The following CDC5L variants were observed in gnomAD, a reference collection of about 807,000 sequenced individuals.
CDC5L encodes cell division cycle 5-like protein.
In CDC5L, 18 loss-of-function variants were observed where a neutral mutation model predicts 104.1. The observed-to-expected ratio is 0.17, with a 90% CI of 0.12 to 0.26. The LOEUF is 0.26. CDC5L is among the 10% of genes least tolerant of loss of function. CDC5L has a pLI of 1.00. For synonymous variants in CDC5L, 331 were observed against 322.7 expected (o/e 1.03, Z -0.28); for missense variants, 673 against 956.9 (o/e 0.70, Z 3.91).
intron 10 of CDC5L, among the ~76,000 whole-genome samples, chr6:44,423,761 C>T (rs890948035): frequency 5.3e-5 from 8 of 152,150 alleles, no homozygotes; most frequent in African/African-American, 9.7e-5. Flanking sequence ...CTTTCTTCTG[C>T]ATGGGATTTA....
At chr6:44,398,871 G>T (rs1790992479) in intron 5 of CDC5L, among the ~76,000 whole-genome samples, 1 of 152,196 alleles carries the variant, frequency 6.6e-6, no homozygotes, top group South Asian at 2.1e-4. Flanking sequence ...TACAAAGTTG[G>T]ATCATACTGT....
chr6:44,424,563 G>T lies in CDC5L; in HGVS notation c.1549G>T (p.Asp517Tyr). ...IDDTYIEDAA[D>Y]VDARKQAIRD... ...TGATACTTACATTGAAGATGCTGCT[G>T]ATGTGGATGCTCGAAAGCAGGTGGG... Residue 517 changes from aspartate (D) to tyrosine (Y), a missense_variant, in exon 11 of 16, where the codon GAT becomes TAT. By Grantham distance (160) the Asp-to-Tyr change is radical. Transcript: ENST00000371477. 1 of 1,613,902 alleles carries T rather than the reference G, an allele frequency of 6.2e-7. No individual in the cohort carries two copies. The highest frequency in any genetic ancestry group is 8.5e-7 in the Non-Finnish European group (1 of 1,179,886).
Position 44,433,520 on chromosome 6 carries a change from A to C in CDC5L, c.2091+3610A>C, listed in dbSNP as rs577932608. Among the ~76,000 whole-genome samples the C allele has an allele frequency of 2.6e-5, 4 of 152,298 alleles. No individual in the cohort carries two copies. In the South Asian group the frequency reaches 8.3e-4, roughly 32 times the overall value. ...TTAATAGTATTTGAAATAGTATCTA[A>C]ACTGCTGTGTTGAGGAAGTTTGGCT... On this transcript the variant is annotated intron_variant, in intron 14 of 15. Coordinates refer to ENST00000371477, the MANE Select transcript of CDC5L (RefSeq NM_001253.4).
rs138178787 is a variant in CDC5L, at chr6:44,448,382, C to G, written c.*1671C>G. ...GATCTAAGCAAAGGAATGACATGATCAGATTTGGTTTTAGAAACATCACTA... is the reference window on the plus strand; with the variant it reads ...GATCTAAGCAAAGGAATGACATGATGAGATTTGGTTTTAGAAACATCACTA... On this transcript the variant is annotated 3_prime_UTR_variant, in exon 16 of 16. Coordinates refer to ENST00000371477, the MANE Select transcript of CDC5L (RefSeq NM_001253.4). 6.6e-6 allele frequency: 1 copy of G among 152,152 alleles called. No homozygotes were observed. 9.4% of individuals were successfully genotyped at this position (152,152 alleles called of 1,614,324 possible). A position where few individuals can be genotyped will look rare whatever the true frequency, so the allele number is the denominator to read the frequency against.
chr6:44,387,931 C>T, intron 1 of CDC5L, 63 bp downstream of exon 1: 2 of 1,501,230 alleles, frequency 1.3e-6, no homozygotes, highest in Non-Finnish European at 1.8e-6. Context: ...TGCGCACGCG[C>T]GCGGAGGTCG....
chr6:44,408,432 G>T lies in CDC5L; in HGVS notation c.904-12G>T, dbSNP rs1791476843. 1 of 1,601,010 alleles carries T rather than the reference G, an allele frequency of 6.2e-7. No individual in the cohort carries two copies. The highest frequency in any genetic ancestry group is 8.5e-7 in the Non-Finnish European group (1 of 1,170,166). On this transcript the variant is annotated splice_polypyrimidine_tract_variant and intron_variant, in intron 7 of 15. Coordinates refer to ENST00000371477, the MANE Select transcript of CDC5L (RefSeq NM_001253.4). The stretch of plus-strand genomic sequence containing the variant: ...TAAAATGTTGCTTACTATGATAATT[G>T]TGTCCTTTTAGATTTCAGATGCAGA...
chr6:44,445,880 A>G lies in CDC5L; in HGVS notation c.2304+13A>G. 6.3e-7 allele frequency: 1 copy of G among 1,586,300 alleles called. No homozygotes were observed. The highest frequency in any genetic ancestry group is 8.7e-7 in the Non-Finnish European group (1 of 1,155,304). ...CCGGAGGCTAGAGGTAACGTTATATATTGAACTGTTGTTTAAAAAGAGTGC... is the reference window on the plus strand; with the variant it reads ...CCGGAGGCTAGAGGTAACGTTATATGTTGAACTGTTGTTTAAAAAGAGTGC... On this transcript the variant is annotated intron_variant, in intron 15 of 15. Transcript: ENST00000371477.
chr6:44,436,851 G>T lies in CDC5L; in HGVS notation c.2091+6941G>T, dbSNP rs181150063. The stretch of plus-strand genomic sequence containing the variant: ...TATTCTTAATTTCCTGCTTTGAATT[G>T]AAGTTTACCCTTTCATATTTGATCA... On this transcript the variant is annotated intron_variant, in intron 14 of 15. Coordinates refer to ENST00000371477, the MANE Select transcript of CDC5L (RefSeq NM_001253.4). 7.2e-4 allele frequency among the ~76,000 whole-genome samples: 109 copies of T among 152,272 alleles called. 2 individuals carry two copies. The highest frequency in any genetic ancestry group is 7.0e-3 in the Admixed American group (107 of 15,296).
intron 1 of CDC5L, 122 bp downstream of exon 1, chr6:44,387,990 G>T: frequency 2.3e-6 from 2 of 866,416 alleles, no homozygotes; most frequent in Non-Finnish European, 3.6e-6. Context: ...GGCAGCCCGG[G>T]GGCTGACCCT....
At chr6:44,430,959 T>C (rs1374878547) in intron 14 of CDC5L, among the ~76,000 whole-genome samples, 3 of 152,224 alleles carry the variant, frequency 2.0e-5, no homozygotes. Flanking sequence ...GGCAGTCATA[T>C]ACAGAAAATC....
intron 3 of CDC5L, among the ~76,000 whole-genome samples, chr6:44,393,189 T>TAA (rs1183860246): frequency 1.4e-5 from 2 of 144,652 alleles, no homozygotes; most frequent in African/African-American, 5.4e-5. Context: ...TTTTTTTTTT[T>TAA]AAATTTGTAT....
At chr6:44,415,124 T>G (rs1791850260) in intron 8 of CDC5L, among the ~76,000 whole-genome samples, 3 of 152,256 alleles carry the variant, frequency 2.0e-5, no homozygotes, top group South Asian at 4.1e-4. Context: ...CAATTCTGTC[T>G]CATTGATCTA....
At chr6:44,441,730 C>A (rs968227326) in intron 14 of CDC5L, among the ~76,000 whole-genome samples, 2 of 151,962 alleles carry the variant, frequency 1.3e-5, no homozygotes, top group Non-Finnish European at 1.5e-5. Context: ...GCATTTTTTT[C>A]ATGTACCTGT....
chr6:44,432,039 G>C (rs1489531098), intron 14 of CDC5L, among the ~76,000 whole-genome samples: 1 of 151,934 alleles, frequency 6.6e-6, no homozygotes, highest in African/African-American at 2.4e-5. Context: ...TTGGTAAACT[G>C]TGCTTATTTC....
At chr6:44,425,994 C>A in intron 11 of CDC5L, 109 bp from the exon 12 acceptor site, 1 of 628,670 alleles carries the variant, frequency 1.6e-6, no homozygotes, top group Non-Finnish European at 2.7e-6. Flanking sequence ...GATTTCTAAA[C>A]TTTAGCTATT....
rs1793573512 is a variant in CDC5L at position 44,449,611 on chromosome 6, T to A, written c.*2900T>A. 6.6e-6 allele frequency: 1 copy of A among 152,164 alleles called. No homozygotes were observed. The highest frequency in any genetic ancestry group is 6.5e-5 in the Admixed American group (1 of 15,272). 9.4% of individuals were successfully genotyped at this position (152,164 alleles called of 1,614,324 possible). ...TAAGCATGTTAAAGTCTCAGTAACT[T>A]TGGGATAGAAATAAAATGTGATAAA... is the stretch of plus-strand genomic sequence containing the variant. On this transcript the variant is annotated 3_prime_UTR_variant, in exon 16 of 16. Coordinates refer to ENST00000371477, the MANE Select transcript of CDC5L (RefSeq NM_001253.4).
Position 44,429,787 on chromosome 6 carries a change from T to A in CDC5L, c.1968T>A (p.Ala656=). ...GCCATGGAGAGCTCTCAAGTGAAGC[T>A]TATAACCAGGTGTGGGAAGAATGCT... ...GMSHGELSSE[A]YNQVWEECYS... The change falls in exon 14 of 16, where the codon GCT becomes GCA. Residue 656 remains alanine, a synonymous_variant. Coordinates refer to ENST00000371477, the MANE Select transcript of CDC5L (RefSeq NM_001253.4). The A allele has an allele frequency of 1.2e-6, 2 of 1,614,124 alleles. No homozygotes were observed. The highest frequency in any genetic ancestry group is 1.7e-6 in the Non-Finnish European group (2 of 1,179,970).
intron 15 of CDC5L, among the ~76,000 whole-genome samples, chr6:44,446,106 T>TA (rs1157793998): frequency 6.6e-6 from 1 of 152,238 alleles, no homozygotes; most frequent in Non-Finnish European, 1.5e-5. Context: ...AATATGTAGA[T>TA]ACACTGTGAA....
Position 44,404,028 on chromosome 6 carries a change from G to GT in CDC5L, c.758+2dup. 1.9e-6 allele frequency: 3 copies of GT among 1,599,270 alleles called. No individual in the cohort carries two copies. Among genetic ancestry groups the GT allele is most frequent in the Middle Eastern group, 1.7e-4 (1 of 6,006 alleles). The stretch of plus-strand genomic sequence containing the variant: ...AGGATCTTGATGGGGAGCTAAGATC[G>GT]TAAGTTGCCTTTCTGATTTTGGAAA... On this transcript the variant is annotated splice_donor_variant, in intron 6 of 15. Coordinates refer to ENST00000371477, the MANE Select transcript of CDC5L (RefSeq NM_001253.4). LOFTEE classifies it high-confidence loss of function.
Sources: gnomAD v4.1 joint callset for allele counts (sites outside exome capture counted in the v4.1 genomes callset) on GRCh38, gnomAD v4.1.1 for gene constraint, MANE v1.5 for transcripts, NCBI Gene and HGNC (gene_info 2026-07-23, HGNC 2026-07-21) for gene names.